Variants in MECR observed in about 807,000 individuals in gnomAD.
MECR encodes the protein mitochondrial trans-2-enoyl-CoA reductase, also known as enoyl-[acyl-carrier-protein] reductase, mitochondrial.
A neutral mutation model predicts 49.1 loss-of-function variants in MECR; 37 were observed. The observed-to-expected ratio is 0.75, with a 90% CI of 0.58 to 0.99. The LOEUF is 0.99. Among genes scored for constraint, MECR ranks in the 50% least tolerant of loss-of-function variants. The probability of loss-of-function intolerance (pLI) is 0.00; values close to 1 mark genes in which losing one functional copy is unlikely to be tolerated. For synonymous variants in MECR, 198 were observed against 191.1 expected, an observed-to-expected ratio of 1.04 and a Z score of -0.30; for missense variants, 470 against 479.6, an observed-to-expected ratio of 0.98 and a Z score of 0.19.
the MECR span, among the ~76,000 whole-genome samples, chr1:29,175,028 G>A: frequency 2.6e-5 from 4 of 151,206 alleles, no homozygotes; most frequent in South Asian, 6.3e-4. Context: ...GAGTGCGTGC[G>A]TGCACATGCC....
At chr1:29,200,330 T>A in intron 7 of MECR, 186 bp downstream of exon 7, 1 of 511,968 alleles carries the variant, frequency 2.0e-6, no homozygotes, top group Non-Finnish European at 3.4e-6. Flanking sequence ...TTTGGTCATC[T>A]GCAAAGGGGA....
At chr1:29,188,389 A>G (rs974804149), downstream of MECR, among the ~76,000 whole-genome samples, 3 of 151,776 alleles carry the variant, frequency 2.0e-5, no homozygotes, top group Non-Finnish European at 2.9e-5. Context: ...AATTTAGTAG[A>G]GACAGGATTT....
chr1:29,227,543 G>C (rs1321918128), intron 1 of MECR, among the ~76,000 whole-genome samples: 1 of 152,240 alleles, frequency 6.6e-6, no homozygotes, highest in Non-Finnish European at 1.5e-5. Context: ...AGGGACGTGA[G>C]AACAGGAGAA....
At chr1:29,175,024 G>A in the MECR span, among the ~76,000 whole-genome samples, 5 of 151,294 alleles carry the variant, frequency 3.3e-5, no homozygotes, top group Admixed American at 1.3e-4. Context: ...GACAGAGTGC[G>A]TGCGTGCACA....
the MECR span, among the ~76,000 whole-genome samples, chr1:29,174,617 G>GA: frequency 0.01 from 1,423 of 139,246 alleles, 48 homozygotes; most frequent in East Asian, 0.12. Context: ...TCCAAGTTTG[G>GA]AAAAAAAAAA....
intron 9 of MECR, among the ~76,000 whole-genome samples, chr1:29,194,842 G>A (rs973453025): frequency 6.6e-6 from 1 of 152,182 alleles, no homozygotes; most frequent in Non-Finnish European, 1.5e-5. Context: ...TTGTCTGGGT[G>A]TGGTGCCTCA....
chr1:29,174,483 T>C, the MECR span, among the ~76,000 whole-genome samples: 103,921 of 151,898 alleles, frequency 0.68, 37,090 homozygotes, highest in Non-Finnish European at 0.8. Flanking sequence ...TTAAATAACA[T>C]ATGTATGTTG....
At chr1:29,215,855 G>A (rs1421923589) in intron 3 of MECR, 150 bp downstream of exon 3, 4 of 970,066 alleles carry the variant, frequency 4.1e-6, no homozygotes, top group Non-Finnish European at 5.7e-6. Context: ...TGGGCAATAA[G>A]AGCAAAACTC....
intron 4 of MECR, among the ~76,000 whole-genome samples, chr1:29,204,808 T>C (rs995758565): frequency 6.6e-5 from 10 of 152,328 alleles, no homozygotes; most frequent in African/African-American, 2.4e-4. Context: ...GCACTAGGAC[T>C]CCAGCAAAGG....
chr1:29,170,194 A>G, the MECR span: 3 of 152,218 alleles, frequency 2.0e-5, no homozygotes, highest in Admixed American at 2.0e-4. Context: ...AGGGGAATCA[A>G]CTATTGCCTG....
chr1:29,181,684 C>T, the MECR span: 118 of 1,597,458 alleles, frequency 7.4e-5, no homozygotes, highest in Middle Eastern at 1.7e-4. Context: ...TCCCGTAGCC[C>T]TTAAAGAAGC....
At chr1:29,218,428 C>G (rs1367033290) in intron 1 of MECR, among the ~76,000 whole-genome samples, 1 of 152,156 alleles carries the variant, frequency 6.6e-6, no homozygotes, top group African/African-American at 2.4e-5. Flanking sequence ...TTTACTTACC[C>G]AAGACACATA....
At chr1:29,223,895 G>A (rs979884236) in intron 1 of MECR, 1 of 152,240 alleles carries the variant, frequency 6.6e-6, no homozygotes, top group Non-Finnish European at 1.5e-5. Flanking sequence ...CCTGAGCAAA[G>A]CTCCTTTGTT....
chr1:29,214,363 A>ATT (rs761319776), intron 3 of MECR, among the ~76,000 whole-genome samples: 1 of 84,578 alleles, frequency 1.2e-5, no homozygotes, highest in Non-Finnish European at 2.5e-5. Flanking sequence ...GCCTGGCCTT[A>ATT]TTTTTTTTTT....
At chr1:29,175,322 A>G in the MECR span, among the ~76,000 whole-genome samples, 5 of 152,072 alleles carry the variant, frequency 3.3e-5, no homozygotes, top group African/African-American at 9.6e-5. Context: ...CTGAGGCAGC[A>G]GAATCGCTTG....
chr1:29,170,135 C>G, the MECR span: 1 of 152,100 alleles, frequency 6.6e-6, no homozygotes, highest in African/African-American at 2.4e-5. Context: ...TTTCAATTTT[C>G]TGACACTTTT....
the MECR span, among the ~76,000 whole-genome samples, chr1:29,184,129 C>T: frequency 2.0e-5 from 3 of 147,512 alleles, no homozygotes; most frequent in East Asian, 2.0e-4. Flanking sequence ...CTGCCTGCCT[C>T]GGCCTCCCAG....
downstream of MECR, among the ~76,000 whole-genome samples, chr1:29,190,414 G>T (rs1377600459): frequency 6.6e-6 from 1 of 151,936 alleles, no homozygotes; most frequent in Non-Finnish European, 1.5e-5. Context: ...TAAACTCCAG[G>T]AATCATGTCT....
rs758771305 is a variant in MECR at position 29,230,809 on chromosome 1, G to A, written c.98C>T (p.Ser33Phe). The change falls in exon 1 of 10, where the codon TCC (serine) becomes TTC (phenylalanine). Residue 33 changes from serine (S) to phenylalanine (F), a missense_variant. By Grantham distance (155) the Ser-to-Phe change is radical (BLOSUM62 -2). Transcript: ENST00000263702. Reference sequence around the variant, plus strand: ...GGCAGGCTCGGCGGATGCGGAGTAGGAGGAGGCGGCAGGTCCGTGACAGCC... The same window carrying A: ...GGCAGGCTCGGCGGATGCGGAGTAGAAGGAGGCGGCAGGTCCGTGACAGCC... ...ASGCHGPAAS[S>F]YSASAEPARV... 1 of 1,608,212 alleles carries A rather than the reference G, an allele frequency of 6.2e-7. No individual in the cohort carries two copies. The highest frequency in any genetic ancestry group is 2.2e-5 in the East Asian group (1 of 44,654).
Sources: allele counts gnomAD v4.1 joint callset (sites outside exome capture counted in the v4.1 genomes callset), GRCh38; gene constraint gnomAD v4.1.1; transcripts MANE v1.5; gene names NCBI Gene and HGNC (gene_info 2026-07-23, HGNC 2026-07-21).